CACNA2D2: variants seen among roughly 807,000 people sequenced by gnomAD.
CACNA2D2 encodes calcium voltage-gated channel auxiliary subunit alpha2delta 2.
Under a neutral mutation model 166.4 loss-of-function variants are expected in CACNA2D2, and 48 were observed. The observed-to-expected ratio is 0.29, with a 90% CI of 0.23 to 0.37. CACNA2D2 has a LOEUF of 0.37. CACNA2D2 is among the 10% of genes least tolerant of loss of function. The probability of loss-of-function intolerance (pLI) is 1.00; values close to 1 mark genes in which losing one functional copy is unlikely to be tolerated. For missense variants in CACNA2D2, 1,122 were observed against 1,433.0 expected (o/e 0.78, Z 3.50); for synonymous variants, 561 against 573.7 (o/e 0.98, Z 0.32).
At chr3:50,441,058 G>A (rs1199672383) in intron 2 of CACNA2D2, among the ~76,000 whole-genome samples, 2 of 152,034 alleles carry the variant, frequency 1.3e-5, no homozygotes, top group African/African-American at 4.8e-5. Flanking sequence ...GGGCTTGTTG[G>A]GGGACAGAAG....
At position 50,503,353 on chromosome 3, in the gene CACNA2D2, C is replaced by G. The variant is rs1431993863; in HGVS notation, c.71G>C (p.Gly24Ala). Residue 24 changes from glycine to alanine, a missense_variant, in exon 1 of 38, where the codon GGC becomes GCC. Coordinates refer to ENST00000424201, the MANE Select transcript of CACNA2D2 (RefSeq NM_006030.4). The part of the protein sequence containing the change: ...GPARTARPWP[G>A]CGPHPGPGTR... ...GCCGGGGCCAGGGTGGGGGCCGCAGCCGGGCCAGGGGCGCGCAGTCCGCGC... is the reference window on the plus strand; with the variant it reads ...GCCGGGGCCAGGGTGGGGGCCGCAGGCGGGCCAGGGGCGCGCAGTCCGCGC... 1 of 314,504 alleles carries G rather than the reference C, an allele frequency of 3.2e-6. No homozygotes were observed. Among genetic ancestry groups the G allele is most frequent in the South Asian group, 1.4e-4 (1 of 7,384 alleles). 19.5% of individuals were successfully genotyped at this position (314,504 alleles called of 1,614,324 possible).
intron 1 of CACNA2D2, among the ~76,000 whole-genome samples, chr3:50,478,942 T>C (rs1232658260): frequency 6.6e-6 from 1 of 152,220 alleles, no homozygotes; most frequent in Non-Finnish European, 1.5e-5. Flanking sequence ...TTGACTCTTC[T>C]AGTATGTCTA....
chr3:50,388,043 C>T (rs369810377), intron 4 of CACNA2D2, among the ~76,000 whole-genome samples: 4 of 152,218 alleles, frequency 2.6e-5, no homozygotes, highest in South Asian at 2.1e-4. Context: ...CTGCTCATTA[C>T]GGGCATGTAC....
rs1246260657 is a variant in CACNA2D2, at chr3:50,365,515, A to G, written c.2972-33T>C. On this transcript the variant is annotated intron_variant, in intron 34 of 37. Coordinates refer to ENST00000424201, the MANE Select transcript of CACNA2D2 (RefSeq NM_006030.4). The surrounding 1 kb of genome is among the most constrained non-coding windows in gnomAD (Gnocchi z 4.5). ...GGCCCAGAGCGCCTCAGCTCCGCCC[A>G]CAGACCCTGGCAAGGTCTCCGGCCT... is the stretch of plus-strand genomic sequence containing the variant. 1 of 1,608,366 alleles carries G rather than the reference A, an allele frequency of 6.2e-7. No individual in the cohort carries two copies.
chr3:50,468,821 TTCTC>T (rs201649923), intron 2 of CACNA2D2, among the ~76,000 whole-genome samples: 20 of 144,202 alleles, frequency 1.4e-4, no homozygotes, highest in Middle Eastern at 7.0e-3. Flanking sequence ...TTCCATCCCC[TTCTC>T]TCTCTTTTTT....
intron 2 of CACNA2D2, among the ~76,000 whole-genome samples, chr3:50,459,414 T>TG (rs1271201673): frequency 6.6e-6 from 1 of 152,062 alleles, no homozygotes; most frequent in African/African-American, 2.4e-5. Flanking sequence ...CTGCTGGGCC[T>TG]GGGGACAGGG....
At chr3:50,440,557 C>G (rs1387724279) in intron 2 of CACNA2D2, among the ~76,000 whole-genome samples, 1 of 152,232 alleles carries the variant, frequency 6.6e-6, no homozygotes, top group African/African-American at 2.4e-5. Context: ...GATGAACGCT[C>G]TCTTTAGAGG....
chr3:50,503,169 C>T (rs1214074998), intron 1 of CACNA2D2, 49 bp downstream of exon 1: 29 of 1,105,010 alleles, frequency 2.6e-5, no homozygotes, highest in South Asian at 8.9e-5. Context: ...GGGGGCAGAG[C>T]GGGGCGCAAG....
intron 3 of CACNA2D2, among the ~76,000 whole-genome samples, chr3:50,400,638 C>A (rs950268620): frequency 6.6e-6 from 1 of 152,228 alleles, no homozygotes; most frequent in African/African-American, 2.4e-5. Context: ...CCGTGACTTA[C>A]GTGCTGAGGG....
chr3:50,502,006 GGA>G (rs1359155736), intron 1 of CACNA2D2, among the ~76,000 whole-genome samples: 1 of 152,140 alleles, frequency 6.6e-6, no homozygotes, highest in East Asian at 1.9e-4. Flanking sequence ...ACGACAAGAC[GGA>G]GAGAGAGACC....
intron 3 of CACNA2D2, among the ~76,000 whole-genome samples, chr3:50,425,741 G>C (rs1330179322): frequency 3.3e-5 from 5 of 152,116 alleles, no homozygotes; most frequent in South Asian, 2.1e-4. Flanking sequence ...ACCATCAGGG[G>C]ATCCTCCCTC....
intron 3 of CACNA2D2, among the ~76,000 whole-genome samples, chr3:50,403,033 C>T (rs1706520471): frequency 6.6e-6 from 1 of 152,264 alleles, no homozygotes; most frequent in African/African-American, 2.4e-5. Flanking sequence ...TGTGACAGTG[C>T]CCTCCTCCCT....
chr3:50,476,041 C>T, intron 2 of CACNA2D2, 77 bp downstream of exon 2: 1 of 1,292,504 alleles, frequency 7.7e-7, no homozygotes, highest in Non-Finnish European at 1.1e-6. Context: ...AAATCTTCCT[C>T]ACTCCTTATT....
intron 2 of CACNA2D2, among the ~76,000 whole-genome samples, chr3:50,451,189 G>A (rs775778002): frequency 6.6e-6 from 1 of 151,778 alleles, no homozygotes; most frequent in African/African-American, 2.4e-5. Context: ...GCAATGGCGC[G>A]ATCTCGGCTC....
At chr3:50,387,199 G>A (rs1705651012) in intron 5 of CACNA2D2, among the ~76,000 whole-genome samples, 1 of 152,124 alleles carries the variant, frequency 6.6e-6, no homozygotes, top group Non-Finnish European at 1.5e-5. Context: ...AATGCACCTG[G>A]ACGTTCCTGC....
At chr3:50,440,332 G>A (rs1415960646) in intron 2 of CACNA2D2, among the ~76,000 whole-genome samples, 2 of 152,246 alleles carry the variant, frequency 1.3e-5, no homozygotes, top group Admixed American at 6.5e-5. Context: ...GGGGGGCTGC[G>A]TGCCACTCAG....
At chr3:50,369,789 T>C (rs939603031) in intron 23 of CACNA2D2, among the ~76,000 whole-genome samples, 1 of 152,208 alleles carries the variant, frequency 6.6e-6, no homozygotes, top group Non-Finnish European at 1.5e-5. Context: ...CCTCATCTGA[T>C]GGAGCAGCTC....
rs567767687 is a variant in CACNA2D2, at chr3:50,427,859, C to T, written c.405+6454G>A. Among the ~76,000 whole-genome samples, 84 of 152,338 alleles carry T rather than the reference C, an allele frequency of 5.5e-4. No homozygotes were observed. Among genetic ancestry groups the T allele is most frequent in the Admixed American group, 1.5e-3 (23 of 15,310 alleles). ...ATCCATGGCCTGGTCCTCCAGGGGC[C>T]AACCTGTTTGTCTCACCCTCGTCAG... is the stretch of plus-strand genomic sequence containing the variant. On this transcript the variant is annotated intron_variant, in intron 3 of 37. Transcript: ENST00000424201. This position sits in a 1 kb window ranked among gnomAD's most constrained non-coding sequence, Gnocchi z 4.7.
chr3:50,389,159 G>A (rs1250431076), intron 4 of CACNA2D2, among the ~76,000 whole-genome samples: 2 of 152,198 alleles, frequency 1.3e-5, no homozygotes, highest in African/African-American at 2.4e-5. Context: ...GTGGGCCTGG[G>A]GCGGGGGCGG....
Sources: allele counts gnomAD v4.1 joint callset (sites outside exome capture counted in the v4.1 genomes callset), GRCh38; gene constraint gnomAD v4.1.1; non-coding constraint Gnocchi (gnomAD v3.1); transcripts MANE v1.5; gene names NCBI Gene and HGNC (gene_info 2026-07-23, HGNC 2026-07-21).